Variants in RALGAPA2 observed in about 807,000 individuals in gnomAD.
The protein encoded by RALGAPA2 is Ral GTPase activating protein catalytic subunit alpha 2.
RALGAPA2 carries 139 observed loss-of-function variants against 230.4 expected under a neutral mutation model. The ratio of observed to expected loss-of-function variants is 0.60; its 90% CI spans 0.53 to 0.69. RALGAPA2 has a LOEUF of 0.69. RALGAPA2 is among the 30% of genes least tolerant of loss of function. The probability of loss-of-function intolerance (pLI) is 0.00; values close to 1 mark genes in which losing one functional copy is unlikely to be tolerated. For synonymous variants in RALGAPA2, 847 were observed against 837.8 expected (o/e 1.01, Z -0.19); for missense variants, 2,163 against 2,276.0 (o/e 0.95, Z 1.01).
At chr20:20,539,646 T>C (rs2063590178) in intron 24 of RALGAPA2, among the ~76,000 whole-genome samples, 1 of 152,216 alleles carries the variant, frequency 6.6e-6, no homozygotes, top group South Asian at 2.1e-4. Flanking sequence ...TCTACTCTCT[T>C]AGCAAATTTC....
intron 16 of RALGAPA2, among the ~76,000 whole-genome samples, chr20:20,597,764 G>A (rs2065503281): frequency 6.6e-6 from 1 of 152,046 alleles, no homozygotes; most frequent in Admixed American, 6.5e-5. Context: ...GCTTGAACCC[G>A]GGAAGCAGAG....
At chr20:20,612,808 C>T (rs1296038691) in intron 13 of RALGAPA2, among the ~76,000 whole-genome samples, 2 of 152,172 alleles carry the variant, frequency 1.3e-5, no homozygotes, top group African/African-American at 4.8e-5. Context: ...GGTACCCAGG[C>T]CCCTGTCGCC....
intron 36 of RALGAPA2, among the ~76,000 whole-genome samples, chr20:20,490,993 T>C (rs1376274922): frequency 6.6e-6 from 1 of 151,090 alleles, no homozygotes; most frequent in Non-Finnish European, 1.5e-5. Flanking sequence ...TAAGGAAAGG[T>C]ACGGGCAGCT....
chr20:20,627,554 A>T (rs956761781), intron 10 of RALGAPA2, among the ~76,000 whole-genome samples: 6 of 152,104 alleles, frequency 3.9e-5, no homozygotes, highest in African/African-American at 1.4e-4. Flanking sequence ...TGGCCATGTG[A>T]TTAGTTAGGT....
At chr20:20,608,259 C>CT (rs1326925793) in intron 14 of RALGAPA2, among the ~76,000 whole-genome samples, 1 of 152,162 alleles carries the variant, frequency 6.6e-6, no homozygotes, top group Non-Finnish European at 1.5e-5. Flanking sequence ...TACCAACACA[C>CT]TAAGGGGACT....
At chr20:20,637,964 C>T (rs964700885) in intron 7 of RALGAPA2, among the ~76,000 whole-genome samples, 5 of 152,148 alleles carry the variant, frequency 3.3e-5, no homozygotes, top group African/African-American at 1.2e-4. Context: ...AAACCAATAT[C>T]AAAAGGCAAA....
chr20:20,637,027 C>T (rs899561282), intron 8 of RALGAPA2, among the ~76,000 whole-genome samples: 19 of 152,150 alleles, frequency 1.2e-4, no homozygotes, highest in African/African-American at 4.6e-4. Flanking sequence ...GGTCGCCATA[C>T]CCCACCACCC....
intron 23 of RALGAPA2, among the ~76,000 whole-genome samples, chr20:20,549,887 C>A (rs1332227524): frequency 1.3e-5 from 2 of 152,190 alleles, no homozygotes; most frequent in Non-Finnish European, 2.9e-5. Flanking sequence ...GAATGATGCT[C>A]TCAGACATGA....
intron 37 of RALGAPA2, among the ~76,000 whole-genome samples, chr20:20,428,419 T>C (rs993534838): frequency 1.3e-5 from 2 of 152,318 alleles, no homozygotes; most frequent in African/African-American, 2.4e-5. Flanking sequence ...AATAGCCAAA[T>C]TGAATTCGGT....
intron 14 of RALGAPA2, among the ~76,000 whole-genome samples, chr20:20,609,173 T>A (rs79588418): frequency 6.6e-6 from 1 of 151,868 alleles, no homozygotes; most frequent in African/African-American, 2.4e-5. Flanking sequence ...TTTTTTAAAA[T>A]TTTTTGTAGA....
chr20:20,610,624 T>C (rs1184133943), intron 14 of RALGAPA2, among the ~76,000 whole-genome samples: 2 of 152,186 alleles, frequency 1.3e-5, no homozygotes, highest in African/African-American at 4.8e-5. Context: ...CCACCATGTA[T>C]GCCACCGACT....
intron 3 of RALGAPA2, among the ~76,000 whole-genome samples, chr20:20,660,866 A>C (rs1199454883): frequency 6.6e-6 from 1 of 152,082 alleles, no homozygotes; most frequent in African/African-American, 2.4e-5. Context: ...AACTAACACC[A>C]GTCTTGTTGA....
chr20:20,520,602 CTTCT>C (rs1453902901), intron 31 of RALGAPA2, among the ~76,000 whole-genome samples: 1 of 152,164 alleles, frequency 6.6e-6, no homozygotes, highest in Non-Finnish European at 1.5e-5. Flanking sequence ...ACAGTGAGTC[CTTCT>C]GGACTTCACT....
At chr20:20,513,357 G>A (rs2062772973) in intron 31 of RALGAPA2, 73 bp from the exon 32 acceptor site, 9 of 1,229,630 alleles carry the variant, frequency 7.3e-6, no homozygotes, top group South Asian at 3.1e-5. Context: ...TTTTTTTTGG[G>A]TGGGGGGCAG....
chr20:20,503,362 G>C lies in RALGAPA2; in HGVS notation c.5197C>G (p.Leu1733Val). Reference sequence around the variant, plus strand: ...AGGAGACCCCTTACCTTTTTGGTGAGGGAATCATCTGAGTCTGACGGCATT... The same window carrying C: ...AGGAGACCCCTTACCTTTTTGGTGACGGAATCATCTGAGTCTGACGGCATT... ...TRMPSDSDDSLTKKLRHLGND... is the reference protein window; with the variant it reads ...TRMPSDSDDSVTKKLRHLGND... Residue 1733 changes from leucine (L) to valine (V), a missense_variant, in exon 35 of 40, where the codon CTC becomes GTC. Physicochemically the swap from Leu to Val is conservative, Grantham distance 32. Coordinates refer to ENST00000202677, the MANE Select transcript of RALGAPA2 (RefSeq NM_020343.4). 1 of 1,590,596 alleles carries C rather than the reference G, an allele frequency of 6.3e-7. No individual in the cohort carries two copies. The highest frequency in any genetic ancestry group is 8.6e-7 in the Non-Finnish European group (1 of 1,165,604).
chr20:20,509,072 A>T (rs1426711996), intron 33 of RALGAPA2, among the ~76,000 whole-genome samples: 1 of 152,264 alleles, frequency 6.6e-6, no homozygotes, highest in East Asian at 1.9e-4. Flanking sequence ...GCATACGCTT[A>T]AAAAGCTGAG....
At chr20:20,538,021 A>T (rs2063543175) in intron 24 of RALGAPA2, among the ~76,000 whole-genome samples, 1 of 152,234 alleles carries the variant, frequency 6.6e-6, no homozygotes, top group Non-Finnish European at 1.5e-5. Flanking sequence ...ACAGTTAAGC[A>T]CTTGGGCTAT....
At position 20,531,700 on chromosome 20, in the gene RALGAPA2, CCT is replaced by C; in HGVS notation, c.3567_3568del (p.Ile1189MetfsTer33). The C allele has an allele frequency of 6.2e-7, 1 of 1,603,118 alleles. No individual in the cohort carries two copies. On this transcript the variant is annotated frameshift_variant, in exon 27 of 40. Coordinates refer to ENST00000202677, the MANE Select transcript of RALGAPA2 (RefSeq NM_020343.4). LOFTEE classifies it high-confidence loss of function. ...AACTGGTAATACCTTCAGAGTTACT[CCT>C]ATCACATTGATGGCCTCTTTCACCT...
chr20:20,682,685 C>A (rs929712300), intron 1 of RALGAPA2, among the ~76,000 whole-genome samples: 2 of 152,224 alleles, frequency 1.3e-5, no homozygotes, highest in Admixed American at 6.5e-5. Flanking sequence ...CCTGCCCTCA[C>A]AGAACCCACA....
Sources: gnomAD v4.1 joint callset for allele counts (sites outside exome capture counted in the v4.1 genomes callset) on GRCh38, gnomAD v4.1.1 for gene constraint, MANE v1.5 for transcripts, NCBI Gene and HGNC (gene_info 2026-07-23, HGNC 2026-07-21) for gene names.